The following MBNL1 variants were observed in gnomAD, a reference collection of about 807,000 sequenced individuals.
MBNL1 encodes the protein muscleblind-like protein 1.
MBNL1 carries 8 observed loss-of-function variants against 42.2 expected under a neutral mutation model. The observed-to-expected ratio is 0.19, with a 90% confidence interval of 0.11 to 0.34. MBNL1 has a LOEUF of 0.34. Among genes scored for constraint, MBNL1 ranks in the 10% least tolerant of loss-of-function variants. MBNL1 has a pLI of 1.00. For missense variants in MBNL1, 309 were observed against 495.3 expected (o/e 0.62, Z 3.57); for synonymous variants, 169 against 173.9 (o/e 0.97, Z 0.22).
At chr3:152,285,223 T>C (rs1251193132) in intron 1 of MBNL1, among the ~76,000 whole-genome samples, 1 of 152,220 alleles carries the variant, frequency 6.6e-6, no homozygotes, top group Non-Finnish European at 1.5e-5. Context: ...CCTATCTCTC[T>C]CCCTTCTTTT....
intron 1 of MBNL1, among the ~76,000 whole-genome samples, chr3:152,280,967 A>C (rs1191035644): frequency 6.6e-6 from 1 of 152,160 alleles, no homozygotes; most frequent in Non-Finnish European, 1.5e-5. Context: ...AGACAAATTA[A>C]GAATATGGTT....
At chr3:152,370,429 A>G (rs957418814) in intron 2 of MBNL1, among the ~76,000 whole-genome samples, 5 of 152,144 alleles carry the variant, frequency 3.3e-5, no homozygotes, top group African/African-American at 4.8e-5. Flanking sequence ...TCTGTGGTCA[A>G]TTTTAGAATA....
chr3:152,434,738 C>T (rs895729943), intron 4 of MBNL1, among the ~76,000 whole-genome samples: 1 of 152,106 alleles, frequency 6.6e-6, no homozygotes, highest in Admixed American at 6.5e-5. Flanking sequence ...TAATAATAGA[C>T]ATTTTAACTG....
intron 1 of MBNL1, among the ~76,000 whole-genome samples, chr3:152,286,774 A>G (rs1289056941): frequency 6.6e-6 from 1 of 151,956 alleles, no homozygotes. Context: ...GAAAGTTTTG[A>G]GATTGCTACA....
At chr3:152,448,553 A>G (rs1715213598) in intron 6 of MBNL1, among the ~76,000 whole-genome samples, 1 of 152,114 alleles carries the variant, frequency 6.6e-6, no homozygotes, top group Non-Finnish European at 1.5e-5. Context: ...CAGAAACTCA[A>G]ATCTCACTTT....
intron 6 of MBNL1, among the ~76,000 whole-genome samples, chr3:152,451,886 C>T (rs1723853002): frequency 6.6e-6 from 1 of 152,038 alleles, no homozygotes; most frequent in Admixed American, 6.6e-5. Context: ...TAATTTGGAG[C>T]CTAGTAAGGT....
intron 2 of MBNL1, among the ~76,000 whole-genome samples, chr3:152,262,029 A>AT (rs2036377794): frequency 6.6e-6 from 1 of 151,954 alleles, no homozygotes. Flanking sequence ...TCCAACTGTG[A>AT]TTTTTCCCTC....
At chr3:152,446,635 C>T in intron 5 of MBNL1, 1 of 1,194,482 alleles carries the variant, frequency 8.4e-7, no homozygotes, top group Non-Finnish European at 1.2e-6. Flanking sequence ...CCTCTGCTTG[C>T]TGTTTATGTT....
intron 2 of MBNL1, among the ~76,000 whole-genome samples, chr3:152,389,857 C>A (rs1205920718): frequency 6.6e-6 from 1 of 152,004 alleles, no homozygotes; most frequent in East Asian, 1.9e-4. Flanking sequence ...AACAAATTAA[C>A]CTTAATGTAA....
intron 2 of MBNL1, among the ~76,000 whole-genome samples, chr3:152,348,084 A>C (rs1368905785): frequency 2.0e-5 from 3 of 152,120 alleles, no homozygotes; most frequent in Non-Finnish European, 4.4e-5. Flanking sequence ...GATATTTACC[A>C]TTTAGTCTAC....
chr3:152,459,401 G>A (rs1372318734), intron 9 of MBNL1, 56 bp downstream of exon 9: 4 of 1,037,224 alleles, frequency 3.9e-6, no homozygotes, highest in Admixed American at 2.9e-5. Flanking sequence ...TTTTAAGATA[G>A]CAATTGTATA....
At chr3:152,248,416 C>A (rs566919845) in intron 2 of MBNL1, among the ~76,000 whole-genome samples, 4 of 151,742 alleles carry the variant, frequency 2.6e-5, no homozygotes, top group Non-Finnish European at 5.9e-5. Flanking sequence ...GTATAATGAA[C>A]CCCTTATATC....
At chr3:152,418,276 T>C (rs1334843987) in intron 3 of MBNL1, among the ~76,000 whole-genome samples, 1 of 152,198 alleles carries the variant, frequency 6.6e-6, no homozygotes, top group Admixed American at 6.5e-5. Flanking sequence ...GTAGCAAGGC[T>C]AGGATTTTAA....
chr3:152,334,696 T>A (rs2088296965), intron 2 of MBNL1, among the ~76,000 whole-genome samples: 2 of 152,194 alleles, frequency 1.3e-5, no homozygotes, highest in Non-Finnish European at 1.5e-5. Flanking sequence ...GGTAACATTC[T>A]TTCTTTCATT....
intron 2 of MBNL1, among the ~76,000 whole-genome samples, chr3:152,332,767 T>G (rs1578126281): frequency 6.6e-6 from 1 of 151,310 alleles, no homozygotes; most frequent in Non-Finnish European, 1.5e-5. Context: ...CACACTAGTT[T>G]ATATTAGGTT....
chr3:152,340,407 T>G (rs2092839360), intron 2 of MBNL1: 6 of 1,181,364 alleles, frequency 5.1e-6, no homozygotes, highest in Non-Finnish European at 7.1e-6. Context: ...GTAATGACAA[T>G]GACTGAGTTT....
Position 152,465,513 on chromosome 3 carries a change from A to C in MBNL1, c.*3147A>C, listed in dbSNP as rs1025566176. The C allele has an allele frequency of 6.6e-5, 10 of 152,662 alleles. No homozygotes were observed. The highest frequency in any genetic ancestry group is 9.6e-5 in the African/African-American group (4 of 41,474). The allele number at this position is 152,662 out of a possible 1,614,324, so 9.5% of individuals were successfully genotyped here. A position where few individuals can be genotyped will look rare whatever the true frequency, so the allele number is the denominator to read the frequency against. On this transcript the variant is annotated 3_prime_UTR_variant, in exon 10 of 10. Coordinates refer to ENST00000324210, the MANE Select transcript of MBNL1 (RefSeq NM_021038.5). ...TGATAATGGGCACTTGTTTAAAAGA[A>C]TTAGTGTATCCAGCCTTCACTCCAG...
intron 2 of MBNL1, among the ~76,000 whole-genome samples, chr3:152,249,121 G>T (rs2033923177): frequency 7.1e-6 from 1 of 139,970 alleles, no homozygotes; most frequent in South Asian, 2.5e-4. Flanking sequence ...ATAGTCCTTT[G>T]GGTATATACC....
intron 2 of MBNL1, among the ~76,000 whole-genome samples, chr3:152,328,681 T>C (rs2082084560): frequency 6.6e-6 from 1 of 152,212 alleles, no homozygotes; most frequent in Admixed American, 6.5e-5. Flanking sequence ...AAAGGAGTGA[T>C]ATTCTGTTTG....
Sources: gnomAD v4.1 joint callset for allele counts (sites outside exome capture counted in the v4.1 genomes callset) on GRCh38, gnomAD v4.1.1 for gene constraint, MANE v1.5 for transcripts, NCBI Gene and HGNC (gene_info 2026-07-23, HGNC 2026-07-21) for gene names.